Variants in MYO10 observed in about 807,000 individuals in gnomAD.
MYO10 encodes myosin X.
Under a neutral mutation model 257.3 loss-of-function variants are expected in MYO10, and 133 were observed. The observed-to-expected ratio is 0.52, with a 90% CI of 0.45 to 0.60. MYO10 has a LOEUF of 0.60. Among genes scored for constraint, MYO10 ranks in the 20% least tolerant of loss-of-function variants. The pLI is 0.00. For synonymous variants in MYO10, 1,104 were observed against 1,028.6 expected, an observed-to-expected ratio of 1.07 and a Z score of -1.40; for missense variants, 2,399 against 2,635.7, an observed-to-expected ratio of 0.91 and a Z score of 1.97.
At chr5:16,763,894 CA>C in intron 12 of MYO10, 139 bp from the exon 13 acceptor site, 1 of 679,328 alleles carries the variant, frequency 1.5e-6, no homozygotes, top group Non-Finnish European at 2.5e-6. Context: ...CCTGTTATCC[CA>C]GCACTTTGGG....
intron 3 of MYO10, among the ~76,000 whole-genome samples, chr5:16,809,131 C>G (rs1187774476): frequency 1.3e-5 from 2 of 151,488 alleles, no homozygotes; most frequent in African/African-American, 4.9e-5. Flanking sequence ...CAGATGGTTA[C>G]AATCATCTTT....
intron 19 of MYO10, among the ~76,000 whole-genome samples, chr5:16,730,288 T>C (rs1020646569): frequency 7.9e-5 from 12 of 152,108 alleles, no homozygotes; most frequent in African/African-American, 2.9e-4. Flanking sequence ...GTGTAGGTCA[T>C]TATTGGCAGA....
At chr5:16,849,778 A>G (rs887842376) in intron 2 of MYO10, among the ~76,000 whole-genome samples, 1 of 152,222 alleles carries the variant, frequency 6.6e-6, no homozygotes, top group Non-Finnish European at 1.5e-5. Context: ...ACAAAAATCA[A>G]TGTATTTTGT....
chr5:16,710,580 C>T (rs1012093498), intron 21 of MYO10: 2 of 319,436 alleles, frequency 6.3e-6, no homozygotes, highest in Non-Finnish European at 1.2e-5. Flanking sequence ...TTTGTAGACA[C>T]TGGGGGCTGC....
intron 19 of MYO10, among the ~76,000 whole-genome samples, chr5:16,723,465 G>GCT (rs1340219823): frequency 3.3e-5 from 5 of 152,084 alleles, no homozygotes; most frequent in Non-Finnish European, 7.4e-5. Flanking sequence ...CCAGAAAATT[G>GCT]ACAATATCAA....
rs927059709 is a variant in MYO10 at position 16,702,976 on chromosome 5, T to C, written c.2459A>G (p.Glu820Gly). The stretch of plus-strand genomic sequence containing the variant: ...TTCTTCCTCTTCCTGTTTCTTCTTT[T>C]CTTCTTGCTCCCTTTTCTCTGCCAG... ...QLLAEKREQE[E>G]KKKQEEEEKK... The change falls in exon 23 of 41, where the codon GAA becomes GGA. Residue 820 changes from glutamate to glycine, a missense_variant. Coordinates refer to ENST00000513610, the MANE Select transcript of MYO10 (RefSeq NM_012334.3). 1.9e-5 allele frequency: 30 copies of C among 1,552,016 alleles called. No homozygotes were observed. Among genetic ancestry groups the C allele is most frequent in the Admixed American group, 1.2e-4 (6 of 50,986 alleles).
At chr5:16,873,933 G>A (rs11951041) in intron 2 of MYO10, among the ~76,000 whole-genome samples, 59,484 of 151,970 alleles carry the variant, frequency 0.39, 12,266 homozygotes, top group East Asian at 0.56. Flanking sequence ...CTGCCGTGAA[G>A]GTCTCTGATA....
chr5:16,851,552 A>C (rs1278503393), intron 2 of MYO10, among the ~76,000 whole-genome samples: 2 of 152,178 alleles, frequency 1.3e-5, no homozygotes, highest in African/African-American at 4.8e-5. Flanking sequence ...AGGCCCAGAA[A>C]GCACCTCCAC....
chr5:16,894,437 C>T (rs1231346949), intron 1 of MYO10, among the ~76,000 whole-genome samples: 1 of 152,180 alleles, frequency 6.6e-6, no homozygotes, highest in Non-Finnish European at 1.5e-5. Context: ...TTTACCACAT[C>T]TTAGCCATGT....
intron 1 of MYO10, among the ~76,000 whole-genome samples, chr5:16,889,009 C>CA (rs1415836003): frequency 2.0e-5 from 3 of 151,374 alleles, no homozygotes; most frequent in African/African-American, 4.9e-5. Flanking sequence ...CCTGTTTCTG[C>CA]AAAAAACATA....
intron 3 of MYO10, among the ~76,000 whole-genome samples, chr5:16,813,084 G>T (rs374485896): frequency 6.6e-6 from 1 of 152,166 alleles, no homozygotes; most frequent in East Asian, 1.9e-4. Context: ...AAGAATGGCA[G>T]CCTCTCTACC....
At chr5:16,727,158 A>C in intron 19 of MYO10, among the ~76,000 whole-genome samples, 1 of 152,222 alleles carries the variant, frequency 6.6e-6, no homozygotes, top group East Asian at 1.9e-4. Flanking sequence ...TATAGTAAAA[A>C]AAATATGTTG....
intron 21 of MYO10, 42 bp from the exon 22 acceptor site, chr5:16,704,727 C>A: frequency 6.7e-7 from 1 of 1,503,314 alleles, no homozygotes; most frequent in Non-Finnish European, 9.2e-7. Flanking sequence ...AAGAACATGG[C>A]CAGCAGAAGG....
intron 2 of MYO10, among the ~76,000 whole-genome samples, chr5:16,850,992 AG>A (rs949214348): frequency 1.3e-5 from 2 of 151,872 alleles, no homozygotes; most frequent in Admixed American, 1.3e-4. Context: ...TAGTAGAGAC[AG>A]GGTTTTGCCT....
In MYO10 at chr5:16,664,410, A is replaced by C. The variant is rs2126438279; in HGVS notation, c.*2282T>G. On this transcript the variant is annotated 3_prime_UTR_variant, in exon 41 of 41. Coordinates refer to ENST00000513610, the MANE Select transcript of MYO10 (RefSeq NM_012334.3). ...CTGTCAAATTCTTTCTGAGCCTAAA[A>C]TAAAAACAAAGACAACACACATCCA... 6.6e-6 allele frequency: 1 copy of C among 152,290 alleles called. No individual in the cohort carries two copies. Among genetic ancestry groups the C allele is most frequent in the African/African-American group, 2.4e-5 (1 of 41,556 alleles). 9.4% of individuals were successfully genotyped at this position (152,290 alleles called of 1,614,324 possible). A position where few individuals can be genotyped will look rare whatever the true frequency, so the allele number is the denominator to read the frequency against.
At chr5:16,670,335 T>C (rs1297460573) in intron 39 of MYO10, among the ~76,000 whole-genome samples, 191 bp downstream of exon 39, 1 of 151,906 alleles carries the variant, frequency 6.6e-6, no homozygotes, top group Non-Finnish European at 1.5e-5. Flanking sequence ...TACAGATGTG[T>C]TTACTACACA....
Position 16,701,363 on chromosome 5 carries a change from CTGGGGT to C in MYO10, c.3026_3031del (p.Asn1009_Pro1010del), listed in dbSNP as rs1267331989. 1.2e-6 allele frequency: 2 copies of C among 1,613,962 alleles called. No homozygotes were observed. Among genetic ancestry groups the C allele is most frequent in the Admixed American group, 3.3e-5 (2 of 60,020 alleles). On this transcript the variant is annotated inframe_deletion, in exon 25 of 41. Transcript: ENST00000513610. The surrounding 1 kb of genome is among the most constrained non-coding windows in gnomAD (Gnocchi z 8.1). The stretch of plus-strand genomic sequence containing the variant: ...TCGCTGGTCTGAGTGGCCGTGCTCG[CTGGGGT>C]TGGGGGAGTCCTTGAAGGCGTCGTC...
chr5:16,784,445 C>T (rs996716869), intron 4 of MYO10, among the ~76,000 whole-genome samples: 6 of 152,156 alleles, frequency 3.9e-5, no homozygotes, highest in African/African-American at 1.2e-4. Flanking sequence ...TTTAGGCCCG[C>T]GGTGGCCAGG....
At chr5:16,780,395 C>T (rs901275567) in intron 8 of MYO10, 129 bp downstream of exon 8, 10 of 846,136 alleles carry the variant, frequency 1.2e-5, no homozygotes, top group African/African-American at 1.7e-5. Context: ...TTTTGGTGTT[C>T]GCATAGTGTA....
Sources: gnomAD v4.1 joint callset for allele counts (sites outside exome capture counted in the v4.1 genomes callset) on GRCh38, gnomAD v4.1.1 for gene constraint, Gnocchi (gnomAD v3.1) non-coding constraint, MANE v1.5 for transcripts, NCBI Gene and HGNC (gene_info 2026-07-23, HGNC 2026-07-21) for gene names.